The following NTRK3 variants were observed in gnomAD, a reference collection of about 807,000 sequenced individuals.
The protein encoded by NTRK3 is NT-3 growth factor receptor.
Under a neutral mutation model 91.7 loss-of-function variants are expected in NTRK3, and 24 were observed. The observed-to-expected ratio is 0.26, with a 90% confidence interval of 0.19 to 0.37. NTRK3 has a LOEUF of 0.37. NTRK3 is among the 10% of genes least tolerant of loss of function. The pLI is 1.00. For synonymous variants in NTRK3, 483 were observed against 404.0 expected (o/e 1.20, Z -2.34); for missense variants, 880 against 1,068.9 (o/e 0.82, Z 2.46).
intron 15 of NTRK3, among the ~76,000 whole-genome samples, chr15:87,936,755 C>A (rs2069320142): frequency 6.6e-6 from 1 of 152,124 alleles, no homozygotes; most frequent in African/African-American, 2.4e-5. Flanking sequence ...GACTCAAAAT[C>A]CACTGCCACT....
chr15:87,908,669 A>G (rs929210883), intron 17 of NTRK3: 2 of 397,634 alleles, frequency 5.0e-6, no homozygotes, highest in Non-Finnish European at 8.9e-6. Flanking sequence ...TGAGGAAAGC[A>G]GGGGGATCTT....
chr15:88,084,578 G>A (rs1371914957), intron 13 of NTRK3, among the ~76,000 whole-genome samples: 1 of 152,186 alleles, frequency 6.6e-6, no homozygotes, highest in Non-Finnish European at 1.5e-5. Context: ...GAATGGCAGT[G>A]AACTTGGAAG....
At chr15:87,964,689 T>C (rs1287931340) in intron 14 of NTRK3, among the ~76,000 whole-genome samples, 1 of 152,196 alleles carries the variant, frequency 6.6e-6, no homozygotes, top group Non-Finnish European at 1.5e-5. Flanking sequence ...ATATAATTTC[T>C]GTCTCTCCGT....
intron 17 of NTRK3, among the ~76,000 whole-genome samples, chr15:87,919,008 A>C (rs2067658245): frequency 6.6e-6 from 1 of 152,216 alleles, no homozygotes; most frequent in South Asian, 2.1e-4. Context: ...GGATGTATCT[A>C]AAAAGGAAAC....
At chr15:88,192,275 C>A (rs937960576) in intron 3 of NTRK3, among the ~76,000 whole-genome samples, 2 of 152,122 alleles carry the variant, frequency 1.3e-5, no homozygotes, top group African/African-American at 4.8e-5. Context: ...CTCCCAGGAG[C>A]GAGATTTCAC....
At chr15:87,950,588 C>T (rs1159128119) in intron 14 of NTRK3, among the ~76,000 whole-genome samples, 13 of 152,288 alleles carry the variant, frequency 8.5e-5, no homozygotes, top group African/African-American at 2.6e-4. Context: ...CACTCAAGGA[C>T]ACATCCTCAG....
rs377141319 is a variant in NTRK3 at position 88,087,225 on chromosome 15, C to T, written c.1396+39046G>A. Among the ~76,000 whole-genome samples the T allele has an allele frequency of 1.4e-4, 22 of 152,302 alleles. 1 individual carries two copies. The South Asian group carries it at 3.7e-3, about 26-fold the overall frequency. On this transcript the variant is annotated intron_variant, in intron 13 of 18. Transcript: ENST00000394480. ...TGCGTGTGTGAAAGTGAGAACAGTACTGCAGAGTAAATAAGGTTCACAAGC... is the reference window on the plus strand; with the variant it reads ...TGCGTGTGTGAAAGTGAGAACAGTATTGCAGAGTAAATAAGGTTCACAAGC...
At chr15:88,244,187 C>T (rs1268868922) in intron 3 of NTRK3, among the ~76,000 whole-genome samples, 1 of 152,130 alleles carries the variant, frequency 6.6e-6, no homozygotes, top group African/African-American at 2.4e-5. Context: ...CTGGGTGTGA[C>T]CTAACTTCAT....
chr15:87,925,094 C>T (rs114430649), intron 17 of NTRK3, among the ~76,000 whole-genome samples: 1,564 of 152,190 alleles, frequency 0.01, 32 homozygotes, highest in African/African-American at 0.036. Context: ...CAAAGCCTAC[C>T]CTTGTCAAAG....
At chr15:88,187,625 G>T (rs1261183679) in intron 3 of NTRK3, among the ~76,000 whole-genome samples, 1 of 152,144 alleles carries the variant, frequency 6.6e-6, no homozygotes, top group Non-Finnish European at 1.5e-5. Flanking sequence ...GGCTGTACAG[G>T]TTGTTTTCAT....
At chr15:88,226,472 G>T (rs1343364533) in intron 3 of NTRK3, among the ~76,000 whole-genome samples, 1 of 152,202 alleles carries the variant, frequency 6.6e-6, no homozygotes, top group African/African-American at 2.4e-5. Flanking sequence ...CACAATGGGG[G>T]TGGGTCTCCA....
At chr15:87,980,030 C>T (rs902552849) in intron 14 of NTRK3, among the ~76,000 whole-genome samples, 6 of 152,194 alleles carry the variant, frequency 3.9e-5, no homozygotes, top group Admixed American at 6.5e-5. Context: ...TTGACCTTTT[C>T]GCCTCACACC....
intron 13 of NTRK3, among the ~76,000 whole-genome samples, chr15:88,039,995 A>C (rs1452977021): frequency 6.6e-6 from 1 of 152,262 alleles, no homozygotes; most frequent in East Asian, 1.9e-4. Context: ...TGAACAGGCT[A>C]TGACCTAATG....
chr15:88,116,727 C>G (rs982282828), intron 13 of NTRK3, among the ~76,000 whole-genome samples: 11 of 152,210 alleles, frequency 7.2e-5, no homozygotes, highest in Non-Finnish European at 1.6e-4. Flanking sequence ...ACAAGATCCC[C>G]AGAATCTTCC....
exon 19 of NTRK3, chr15:87,876,042 G>T (rs540573868): frequency 8.6e-6 from 2 of 232,644 alleles, no homozygotes; most frequent in South Asian, 1.8e-4. Context: ...TGATGGAAAA[G>T]ACAGGTGGCA....
intron 14 of NTRK3, among the ~76,000 whole-genome samples, chr15:87,964,758 T>C (rs1251450786): frequency 6.6e-6 from 1 of 152,210 alleles, no homozygotes; most frequent in East Asian, 1.9e-4. Flanking sequence ...ATGTTTTGTG[T>C]CCAGCTACTT....
intron 14 of NTRK3, among the ~76,000 whole-genome samples, chr15:87,942,260 C>T (rs1176937787): frequency 6.6e-6 from 1 of 152,240 alleles, no homozygotes; most frequent in Non-Finnish European, 1.5e-5. Context: ...CAGCTGCTGA[C>T]GACCGCTCCT....
At chr15:87,986,574 G>A (rs1041225121) in intron 14 of NTRK3, among the ~76,000 whole-genome samples, 1 of 152,202 alleles carries the variant, frequency 6.6e-6, no homozygotes, top group East Asian at 1.9e-4. Context: ...TTTAAAAAGT[G>A]GGTATTTTCT....
intron 14 of NTRK3, among the ~76,000 whole-genome samples, chr15:87,941,680 A>G (rs924461680): frequency 8.5e-5 from 13 of 152,340 alleles, no homozygotes; most frequent in Non-Finnish European, 1.8e-4. Flanking sequence ...TGTCCATCCA[A>G]GAACGAGGGT....
Sources: allele counts gnomAD v4.1 joint callset (sites outside exome capture counted in the v4.1 genomes callset), GRCh38; gene constraint gnomAD v4.1.1; transcripts MANE v1.5; gene names NCBI Gene and HGNC (gene_info 2026-07-23, HGNC 2026-07-21).